The following S100A13 variants were observed in gnomAD, a reference collection of about 807,000 sequenced individuals.
S100A13 encodes S100 calcium binding protein A13.
S100A13 carries 6 observed loss-of-function variants against 8.2 expected under a neutral mutation model. The observed-to-expected ratio is 0.73, with a 90% confidence interval of 0.40 to 1.44. S100A13 has a LOEUF of 1.44. Ranked by LOEUF, S100A13 falls within the 40% of genes most tolerant of loss-of-function variation. S100A13 has a pLI of 0.02. For missense variants in S100A13, 114 were observed against 113.6 expected, an observed-to-expected ratio of 1.00 and a Z score of -0.02; for synonymous variants, 39 against 45.9, an observed-to-expected ratio of 0.85 and a Z score of 0.61.
chr1:153,628,374 C>G, upstream of S100A13: 5 of 1,536,812 alleles, frequency 3.3e-6, no homozygotes, highest in Non-Finnish European at 4.4e-6. Flanking sequence ...GGGGTGGAGT[C>G]GGTGGGGGGG....
upstream of S100A13, chr1:153,628,372 G>A: frequency 6.5e-7 from 1 of 1,545,786 alleles, no homozygotes; most frequent in Non-Finnish European, 8.7e-7. Flanking sequence ...AAGGGGTGGA[G>A]TCGGTGGGGG....
At chr1:153,632,829 T>C (rs1304043300), upstream of S100A13, among the ~76,000 whole-genome samples, 6 of 152,094 alleles carry the variant, frequency 3.9e-5, no homozygotes, top group Admixed American at 1.3e-4. Context: ...CATTCTCTCA[T>C]TCCTCAAACA....
chr1:153,627,819 G>A (rs1667760812), upstream of S100A13: 1 of 544,006 alleles, frequency 1.8e-6, no homozygotes, highest in African/African-American at 1.9e-5. Flanking sequence ...GAGGGGGGAA[G>A]AGGGAGGCAA....
At chr1:153,628,134 C>A (rs1425319703), upstream of S100A13, 3 of 1,550,440 alleles carry the variant, frequency 1.9e-6, no homozygotes, top group Admixed American at 5.9e-5. Flanking sequence ...GCTCAACCAG[C>A]ACAGCCAGCC....
At chr1:153,626,270 T>C (rs1210369105) in intron 2 of S100A13, 50 bp downstream of exon 2, 1 of 1,560,918 alleles carries the variant, frequency 6.4e-7, no homozygotes, top group Non-Finnish European at 8.8e-7. Flanking sequence ...CTAAACACAG[T>C]GTCCCATAAT....
At chr1:153,622,519 A>G (rs1667334864) in intron 2 of S100A13, among the ~76,000 whole-genome samples, 1 of 151,990 alleles carries the variant, frequency 6.6e-6, no homozygotes, top group African/African-American at 2.4e-5. Context: ...ATTTCCATCA[A>G]TAAAGGATTG....
chr1:153,625,867 G>A (rs1667581868), intron 2 of S100A13, among the ~76,000 whole-genome samples: 1 of 152,194 alleles, frequency 6.6e-6, no homozygotes, highest in African/African-American at 2.4e-5. Context: ...TACACACCAG[G>A]CAAGAAAACT....
chr1:153,621,714 C>T (rs988890565), intron 2 of S100A13, among the ~76,000 whole-genome samples: 1 of 151,362 alleles, frequency 6.6e-6, no homozygotes, highest in Non-Finnish European at 1.5e-5. Flanking sequence ...AGAAAGAAAC[C>T]CCATCTCTAC....
At chr1:153,631,650 G>A (rs1668015067), upstream of S100A13, 1 of 1,613,842 alleles carries the variant, frequency 6.2e-7, no homozygotes, top group Non-Finnish European at 8.5e-7. Flanking sequence ...CTGACTCAGT[G>A]CTGTACCCTT....
intron 1 of S100A13, chr1:153,626,797 T>G: frequency 4.0e-6 from 1 of 251,230 alleles, no homozygotes; most frequent in Non-Finnish European, 7.9e-6. Flanking sequence ...TGTCTGTGGC[T>G]TAGGGACCCC....
chr1:153,632,266 C>CTT (rs397863604), upstream of S100A13: 3,185 of 91,718 alleles, frequency 0.035, 72 homozygotes, highest in East Asian at 0.11. Context: ...AAGAAATAAT[C>CTT]TTTTTTTTTT....
chr1:153,631,766 G>A, upstream of S100A13: 1 of 1,614,162 alleles, frequency 6.2e-7, no homozygotes, highest in Non-Finnish European at 8.5e-7. Flanking sequence ...ACGGGGAGGT[G>A]GACTTCCAGG....
rs779243655 is a variant in S100A13, at chr1:153,626,365, G to A, written c.108C>T (p.Asn36=). 6.9e-5 allele frequency: 112 copies of A among 1,614,052 alleles called. No homozygotes were observed. Among genetic ancestry groups the A allele is most frequent in the Non-Finnish European group, 8.5e-5 (100 of 1,180,020 alleles). ...GCTGGGTAACCAGCTCTTTGAACTC[G>A]TTGACGCTGAGGCTATCCTTCCGGC... ...QEGRKDSLSV[N]EFKELVTQQL... The change falls in exon 2 of 3, where the codon AAC becomes AAT. Residue 36 remains asparagine (N), a synonymous_variant. Coordinates refer to ENST00000476133, the MANE Select transcript of S100A13 (RefSeq NM_001024211.2).
upstream of S100A13, chr1:153,631,276 T>C (rs563910854): frequency 1.0e-4 from 65 of 620,432 alleles, no homozygotes; most frequent in Admixed American, 9.0e-5. Context: ...GAGGTTTTAT[T>C]GGACTGGGTT....
upstream of S100A13, among the ~76,000 whole-genome samples, chr1:153,632,495 T>A (rs545435755): frequency 6.6e-6 from 1 of 151,954 alleles, no homozygotes; most frequent in Admixed American, 6.5e-5. Flanking sequence ...ATGGTCTCGA[T>A]CTCCTGACCT....
At chr1:153,629,269 C>G (rs898253115), upstream of S100A13, 1 of 152,280 alleles carries the variant, frequency 6.6e-6, no homozygotes, top group South Asian at 2.1e-4. Flanking sequence ...GCACCCCTCC[C>G]TCAAGCACCC....
upstream of S100A13, chr1:153,628,468 C>T (rs1667808271): frequency 6.4e-7 from 1 of 1,550,750 alleles, no homozygotes; most frequent in African/African-American, 1.4e-5. Context: ...CTGTCCAGAA[C>T]CTGCTCCCAC....
upstream of S100A13, chr1:153,631,935 T>C: frequency 6.7e-7 from 1 of 1,497,674 alleles, no homozygotes; most frequent in Non-Finnish European, 9.0e-7. Flanking sequence ...TCCCTCTCCA[T>C]AACCCCACCC....
At chr1:153,623,161 CAAGA>C (rs1667379538) in intron 2 of S100A13, among the ~76,000 whole-genome samples, 1 of 151,766 alleles carries the variant, frequency 6.6e-6, no homozygotes, top group African/African-American at 2.4e-5. Context: ...TTTGAGGACA[CAAGA>C]AAGAGAGGAG....
Sources: gnomAD v4.1 joint callset for allele counts (sites outside exome capture counted in the v4.1 genomes callset) on GRCh38, gnomAD v4.1.1 for gene constraint, MANE v1.5 for transcripts, NCBI Gene and HGNC (gene_info 2026-07-23, HGNC 2026-07-21) for gene names.